The following VGLL1 variants were observed in gnomAD, a reference collection of about 807,000 sequenced individuals.
The protein encoded by VGLL1 is transcription cofactor vestigial-like protein 1.
VGLL1 carries 4 observed loss-of-function variants against 12.0 expected under a neutral mutation model. The ratio of observed to expected loss-of-function variants is 0.33; its 90% CI spans 0.16 to 0.76. The LOEUF is 0.76. Ranked by LOEUF, VGLL1 falls within the 30% of genes least tolerant of loss-of-function variation. The pLI, the probability that VGLL1 is intolerant of heterozygous loss-of-function variation, is 0.60. For missense variants in VGLL1, 204 were observed against 208.7 expected, an observed-to-expected ratio of 0.98 and a Z score of 0.14; for synonymous variants, 87 against 81.2, an observed-to-expected ratio of 1.07 and a Z score of -0.39.
intron 2 of VGLL1, among the ~76,000 whole-genome samples, chrX:136,540,934 A>G (rs1046809006): frequency 8.9e-6 from 1 of 111,740 alleles, no homozygotes; most frequent in Non-Finnish European, 1.9e-5. Flanking sequence ...CAGTTTCCTC[A>G]TCTCTAAAAT....
intron 4 of VGLL1, 34 bp from the exon 5 acceptor site, chrX:136,556,417 C>A: frequency 8.6e-7 from 1 of 1,161,486 alleles, no homozygotes; most frequent in Non-Finnish European, 1.2e-6. Context: ...AGGGGCCTAA[C>A]TGGCTTTCAT....
chrX:136,543,164 A>C (rs2075860884), intron 2 of VGLL1, among the ~76,000 whole-genome samples: 1 of 111,897 alleles, frequency 8.9e-6, no homozygotes, highest in Non-Finnish European at 1.9e-5. Flanking sequence ...TGGGAAAAGG[A>C]ATCTGGATAT....
intron 3 of VGLL1, 22 bp downstream of exon 3, chrX:136,549,030 C>T (rs1256857080): frequency 8.5e-7 from 1 of 1,182,939 alleles, no homozygotes; most frequent in Non-Finnish European, 1.1e-6. Context: ...CCTACAGATA[C>T]TTGGAGGGGT....
Position 136,550,824 on chromosome X carries a change from A to T in VGLL1, c.688+3A>T. 8.3e-7 allele frequency: 1 copy of T among 1,205,888 alleles called. No individual in the cohort carries two copies. The highest frequency in any genetic ancestry group is 1.1e-6 in the Non-Finnish European group (1 of 890,614). On this transcript the variant is annotated splice_donor_region_variant and intron_variant, in intron 4 of 4. Transcript: ENST00000370634. ...CAGTACCAGCCTTCCAAATGAAAGT[A>T]GGTATCTGGGCCAGCCTTTGATGGT...
intron 4 of VGLL1, among the ~76,000 whole-genome samples, chrX:136,554,215 C>T (rs2075895120): frequency 9.0e-6 from 1 of 110,807 alleles, no homozygotes; most frequent in African/African-American, 3.3e-5. Context: ...AAAATGGGGG[C>T]CAACTTTAGA....
At chrX:136,546,274 C>T (rs1433204925) in intron 2 of VGLL1, among the ~76,000 whole-genome samples, 1 of 111,773 alleles carries the variant, frequency 8.9e-6, no homozygotes, top group Non-Finnish European at 1.9e-5. Context: ...AGGTCTTTAC[C>T]CATCCACAGG....
At chrX:136,553,132 T>C (rs1172856919) in intron 4 of VGLL1, among the ~76,000 whole-genome samples, 1 of 108,935 alleles carries the variant, frequency 9.2e-6, no homozygotes, top group Non-Finnish European at 1.9e-5. Flanking sequence ...GGGCTCCAAG[T>C]AAAAGGACAA....
intron 2 of VGLL1, among the ~76,000 whole-genome samples, chrX:136,542,452 G>A (rs2075859106): frequency 8.9e-6 from 1 of 112,184 alleles, no homozygotes; most frequent in Non-Finnish European, 1.9e-5. Context: ...AACCTATGGT[G>A]TCAGAAGACA....
intron 4 of VGLL1, among the ~76,000 whole-genome samples, chrX:136,554,713 G>A (rs777361315): frequency 8.9e-6 from 1 of 111,828 alleles, no homozygotes; most frequent in African/African-American, 3.3e-5. Context: ...ATGTAGGAGG[G>A]TTAGCTCTTA....
chrX:136,556,584 C>T lies in VGLL1; in HGVS notation c.*45C>T, dbSNP rs373797445. 1 of 1,096,317 alleles carries T rather than the reference C, an allele frequency of 9.1e-7. No individual in the cohort carries two copies. Among genetic ancestry groups the T allele is most frequent in the South Asian group, 1.9e-5 (1 of 53,806 alleles). The allele number at this position is 1,096,317 out of a possible 1,213,427, so 90.3% of individuals were successfully genotyped here. On this transcript the variant is annotated 3_prime_UTR_variant, in exon 5 of 5. Transcript: ENST00000370634. ...CAACACTTGGTCTAAGACACGGCAG[C>T]AAGACATCCCTGCATATTGTTCCAG...
At position 136,548,818 on chromosome X, in the gene VGLL1, T is replaced by C; in HGVS notation, c.444T>C (p.His148=). 2.5e-6 allele frequency: 3 copies of C among 1,211,924 alleles called. No homozygotes were observed. The highest frequency in any genetic ancestry group is 3.3e-6 in the Non-Finnish European group (3 of 895,580). ...GCTCCTTAGAGCCTGGCTACTCTCA[T>C]CCCTTCCCCGCTCGGCACCTGGTTC... ...GTSSLEPGYS[H]PFPARHLVPE... is the part of the protein sequence containing the mutation. The change falls in exon 3 of 5, where the codon CAT becomes CAC. Residue 148 remains histidine, a synonymous_variant. Coordinates refer to ENST00000370634, the MANE Select transcript of VGLL1 (RefSeq NM_016267.4).
At chrX:136,548,007 CT>C (rs1406983384) in intron 2 of VGLL1, among the ~76,000 whole-genome samples, 2 of 110,949 alleles carry the variant, frequency 1.8e-5, no homozygotes, top group Non-Finnish European at 3.8e-5. Flanking sequence ...CTTTCTTTTT[CT>C]TTTTTTCTTT....
intron 1 of VGLL1, among the ~76,000 whole-genome samples, chrX:136,533,028 T>G (rs1388745681): frequency 9.0e-6 from 1 of 111,466 alleles, no homozygotes; most frequent in Non-Finnish European, 1.9e-5. Context: ...AGAGACCTCT[T>G]ATGGAGGGCT....
At chrX:136,532,637 CTTTCTTTCTTTCTTTCTTTCTTTCTT>C (rs2075827570) in intron 1 of VGLL1, among the ~76,000 whole-genome samples, 1 of 91,962 alleles carries the variant, frequency 1.1e-5, no homozygotes, top group Non-Finnish European at 2.2e-5. Context: ...TTCTTTCTTT[CTTTCTTTCTTTCTTTCTTTCTTTCTT>C]TTTCTTTCTT....
At chrX:136,536,285 G>A (rs776327788) in intron 2 of VGLL1, 51 bp downstream of exon 2, 27 of 1,109,802 alleles carry the variant, frequency 2.4e-5, no homozygotes, top group Non-Finnish European at 3.2e-5. Context: ...AGGCTGCCAC[G>A]GATACACCAG....
At chrX:136,540,954 T>G (rs779920893) in intron 2 of VGLL1, among the ~76,000 whole-genome samples, 1 of 111,901 alleles carries the variant, frequency 8.9e-6, no homozygotes, top group Non-Finnish European at 1.9e-5. Context: ...TGGAATAATA[T>G]TGAATTATAG....
chrX:136,546,701 G>A (rs2075870478), intron 2 of VGLL1, among the ~76,000 whole-genome samples: 1 of 112,591 alleles, frequency 8.9e-6, no homozygotes, highest in Non-Finnish European at 1.9e-5. Context: ...AAACTGCCTA[G>A]TTGTCAGGGG....
chrX:136,538,903 G>GAT (rs1267089859), intron 2 of VGLL1, among the ~76,000 whole-genome samples: 2 of 108,800 alleles, frequency 1.8e-5, no homozygotes, highest in Non-Finnish European at 3.8e-5. Context: ...CTGTTAAAAT[G>GAT]GGCAGGAGGG....
intron 1 of VGLL1, 99 bp from the exon 2 acceptor site, chrX:136,535,897 G>A (rs1218542752): frequency 4.5e-6 from 3 of 667,338 alleles, no homozygotes; most frequent in Admixed American, 2.9e-5. Flanking sequence ...CGTGTACCTG[G>A]TGGGAGCAAA....
Sources: gnomAD v4.1 joint callset for allele counts (sites outside exome capture counted in the v4.1 genomes callset) on GRCh38, gnomAD v4.1.1 for gene constraint, MANE v1.5 for transcripts, NCBI Gene and HGNC (gene_info 2026-07-23, HGNC 2026-07-21) for gene names.